NIPAL3: variants seen among roughly 807,000 people sequenced by gnomAD.
NIPAL3 encodes the protein NIPA like domain containing 3.
NIPAL3 carries 41 observed loss-of-function variants against 47.2 expected under a neutral mutation model. The ratio of observed to expected loss-of-function variants is 0.87; its 90% CI spans 0.68 to 1.13. The LOEUF is 1.13. NIPAL3 is among the 50% of genes most tolerant of loss of function. The pLI is 0.00. For missense variants in NIPAL3, 449 were observed against 530.1 expected (o/e 0.85, Z 1.50); for synonymous variants, 194 against 209.6 (o/e 0.93, Z 0.64).
chr1:24,440,279 A>C (rs767842762), intron 3 of NIPAL3, 39 bp downstream of exon 3: 1 of 1,492,104 alleles, frequency 6.7e-7, no homozygotes, highest in Non-Finnish European at 9.0e-7. Flanking sequence ...GGACAGAGAC[A>C]CAGCAGACAA....
upstream of NIPAL3, chr1:24,415,262 G>C (rs938794955): frequency 6.6e-6 from 1 of 152,276 alleles, no homozygotes; most frequent in East Asian, 1.9e-4. Flanking sequence ...TTGCTGGGAG[G>C]CTTGGTATCC....
chr1:24,455,530 A>C (rs1646153825), intron 7 of NIPAL3, among the ~76,000 whole-genome samples: 1 of 152,216 alleles, frequency 6.6e-6, no homozygotes, highest in Non-Finnish European at 1.5e-5. Flanking sequence ...TAAAAATACA[A>C]GTGACCAGCT....
chr1:24,419,083 A>G (rs1448612852), intron 1 of NIPAL3, among the ~76,000 whole-genome samples: 9 of 152,122 alleles, frequency 5.9e-5, no homozygotes, highest in Non-Finnish European at 1.3e-4. Flanking sequence ...TTTGAGATAG[A>G]TGAGTCAGGT....
At chr1:24,467,167 A>G (rs1480376087) in intron 11 of NIPAL3, among the ~76,000 whole-genome samples, 2 of 152,200 alleles carry the variant, frequency 1.3e-5, no homozygotes, top group East Asian at 1.9e-4. Flanking sequence ...CATTCAGTTA[A>G]GAGTATGGAC....
At chr1:24,443,102 A>G (rs1178222215) in intron 4 of NIPAL3, among the ~76,000 whole-genome samples, 1 of 152,248 alleles carries the variant, frequency 6.6e-6, no homozygotes, top group African/African-American at 2.4e-5. Context: ...CACACTGGCC[A>G]TTAACTTTCT....
At chr1:24,447,370 G>A (rs2148820909) in intron 5 of NIPAL3, among the ~76,000 whole-genome samples, 1 of 152,168 alleles carries the variant, frequency 6.6e-6, no homozygotes, top group African/African-American at 2.4e-5. Flanking sequence ...TGGGACTATG[G>A]GTACTCACTA....
rs115682716 is a variant in NIPAL3 at position 24,469,594 on chromosome 1, G to A, written c.*409G>A. The A allele has an allele frequency of 1.4e-3, 240 of 170,244 alleles. 1 individual carries two copies. Among genetic ancestry groups the A allele is most frequent in the East Asian group, 4.7e-4 (3 of 6,426 alleles). 10.5% of individuals were successfully genotyped at this position (170,244 alleles called of 1,614,324 possible). A position where few individuals can be genotyped will look rare whatever the true frequency, so the allele number is the denominator to read the frequency against. ...GAAAGGCTGGACATCTCTAAATCTC[G>A]TCTTCCTCCACCTCATGTGCATGCC... On this transcript the variant is annotated 3_prime_UTR_variant, in exon 12 of 12. Transcript: ENST00000374399.
At position 24,419,368 on chromosome 1, in the gene NIPAL3, A is replaced by C; in HGVS notation, c.-180A>C. 1 of 1,310,866 alleles carries C rather than the reference A, an allele frequency of 7.6e-7. No individual in the cohort carries two copies. Among genetic ancestry groups the C allele is most frequent in the Non-Finnish European group, 9.7e-7 (1 of 1,032,170 alleles). 81.2% of individuals were successfully genotyped at this position (1,310,866 alleles called of 1,614,324 possible). ...CGGAAATTGGCACTTCTCTGAGTGA[A>C]GCTGAGGAGAAGGCTGTAAATCTGC... On this transcript the variant is annotated 5_prime_UTR_variant, in exon 2 of 12. Transcript: ENST00000374399.
chr1:24,438,121 A>T (rs1478999179), intron 2 of NIPAL3, among the ~76,000 whole-genome samples: 3 of 152,106 alleles, frequency 2.0e-5, no homozygotes, highest in Non-Finnish European at 4.4e-5. Flanking sequence ...CCCCATTAGC[A>T]TCTCTGGGAA....
intron 10 of NIPAL3, among the ~76,000 whole-genome samples, chr1:24,463,714 G>A (rs1646574899): frequency 6.6e-6 from 1 of 152,194 alleles, no homozygotes; most frequent in East Asian, 1.9e-4. Flanking sequence ...TAAAAGGCAA[G>A]CTTCCGAGAA....
intron 2 of NIPAL3, among the ~76,000 whole-genome samples, chr1:24,425,966 A>T (rs1644567953): frequency 6.6e-6 from 1 of 152,328 alleles, no homozygotes; most frequent in South Asian, 2.1e-4. Context: ...AACAATGATT[A>T]TTGTAATCAT....
At chr1:24,421,902 G>C (rs1450054898) in intron 2 of NIPAL3, 1 of 152,214 alleles carries the variant, frequency 6.6e-6, no homozygotes, top group Non-Finnish European at 1.5e-5. Context: ...ACCCGGGTCA[G>C]ACCAGCTGCA....
Position 24,464,014 on chromosome 1 carries a change from T to C in NIPAL3, c.927-12T>C, listed in dbSNP as rs770429831. 33 of 1,607,896 alleles carry C rather than the reference T, an allele frequency of 2.1e-5. No homozygotes were observed. Among genetic ancestry groups the C allele is most frequent in the Non-Finnish European group, 2.6e-5 (31 of 1,175,952 alleles). On this transcript the variant is annotated splice_polypyrimidine_tract_variant and intron_variant, in intron 10 of 11. Coordinates refer to ENST00000374399, the MANE Select transcript of NIPAL3 (RefSeq NM_020448.5). ...GCCTTATTTCTCTTCCTATCTTATC[T>C]CCATTCCGCAGGTGCCTCATTGCAT...
At chr1:24,443,344 G>A in intron 4 of NIPAL3, among the ~76,000 whole-genome samples, 1 of 152,162 alleles carries the variant, frequency 6.6e-6, no homozygotes, top group South Asian at 2.1e-4. Flanking sequence ...TTTCCATTTT[G>A]CTGGCAAGCA....
chr1:24,428,874 A>AAGT (rs1407095878), intron 2 of NIPAL3, among the ~76,000 whole-genome samples: 1 of 151,710 alleles, frequency 6.6e-6, no homozygotes, highest in Admixed American at 6.6e-5. Context: ...CTTCCCTGCC[A>AAGT]CACTCCCTGA....
chr1:24,457,903 TACA>T (rs1381761905), intron 8 of NIPAL3: 4 of 475,186 alleles, frequency 8.4e-6, no homozygotes, highest in African/African-American at 4.0e-5. Flanking sequence ...TTGGTCCCAC[TACA>T]ACAATTCCAG....
chr1:24,438,807 T>C (rs1284915989), intron 2 of NIPAL3, among the ~76,000 whole-genome samples: 2 of 152,194 alleles, frequency 1.3e-5, no homozygotes, highest in African/African-American at 2.4e-5. Context: ...GGTTGCAGCA[T>C]TGGCCAGCAT....
chr1:24,446,542 C>A (rs1029336613), intron 5 of NIPAL3, among the ~76,000 whole-genome samples: 1 of 152,074 alleles, frequency 6.6e-6, no homozygotes, highest in African/African-American at 2.4e-5. Context: ...TTTTCTGTTC[C>A]TGCATTAGTT....
upstream of NIPAL3, chr1:24,415,711 C>T (rs149894638): frequency 2.1e-5 from 8 of 384,734 alleles, no homozygotes; most frequent in Non-Finnish European, 2.8e-5. Context: ...CTTGCCTGCG[C>T]GAAATGCCTG....
Sources: gnomAD v4.1 joint callset for allele counts (sites outside exome capture counted in the v4.1 genomes callset) on GRCh38, gnomAD v4.1.1 for gene constraint, MANE v1.5 for transcripts, NCBI Gene and HGNC (gene_info 2026-07-23, HGNC 2026-07-21) for gene names.